The following DMD variants were observed in gnomAD, a reference collection of about 807,000 sequenced individuals.
DMD encodes the protein dystrophin, also known as mutant dystrophin.
In DMD, 63 loss-of-function variants were observed where a neutral mutation model predicts 330.1. The ratio of observed to expected loss-of-function variants is 0.19; its 90% CI spans 0.16 to 0.24. The LOEUF (loss-of-function observed/expected upper bound fraction) is 0.24. DMD is among the 10% of genes least tolerant of loss of function. The pLI, the probability that DMD is intolerant of heterozygous loss-of-function variation, is 1.00. For missense variants in DMD, 3,344 were observed against 2,684.1 expected (o/e 1.25, Z -5.43); for synonymous variants, 1,223 against 959.8 (o/e 1.27, Z -5.07).
At chrX:31,166,532 CGTAGCCCAATG>C (rs2039434128) in intron 74 of DMD, among the ~76,000 whole-genome samples, 1 of 111,800 alleles carries the variant, frequency 8.9e-6, no homozygotes, top group Admixed American at 9.5e-5. Flanking sequence ...TGTCAGATTG[CGTAGCCCAATG>C]CTGACTTAGG....
intron 44 of DMD, among the ~76,000 whole-genome samples, chrX:31,982,932 T>TTC (rs2095485406): frequency 2.4e-5 from 2 of 84,572 alleles, no homozygotes; most frequent in South Asian, 1.3e-3. Flanking sequence ...TCAAGTAACA[T>TTC]TATTCAGCTC....
chrX:32,537,791 A>C (rs1205031838), intron 17 of DMD, among the ~76,000 whole-genome samples: 1 of 112,333 alleles, frequency 8.9e-6, no homozygotes, highest in Non-Finnish European at 1.9e-5. Context: ...TCACTCAAAA[A>C]ACGAACAAAA....
At chrX:33,323,885 A>G (rs928357746) in intron 1 of DMD, among the ~76,000 whole-genome samples, 1 of 110,823 alleles carries the variant, frequency 9.0e-6, no homozygotes, top group East Asian at 2.9e-4. Context: ...ATGATTTGTA[A>G]TCGAATGCTT....
At position 33,052,685 on chromosome X, in the gene DMD, C is replaced by T. The variant is rs777764672; in HGVS notation, c.32-32485G>A. On this transcript the variant is annotated intron_variant, in intron 1 of 78. Coordinates refer to ENST00000357033, the MANE Select transcript of DMD (RefSeq NM_004006.3). ...GGTGCCAGAAAGATATTACTTGTCTCTCTACTGAACAAAAATGTGTACATT... is the reference window on the plus strand; with the variant it reads ...GGTGCCAGAAAGATATTACTTGTCTTTCTACTGAACAAAAATGTGTACATT... 8.9e-5 allele frequency among the ~76,000 whole-genome samples: 10 copies of T among 111,764 alleles called. No individual in the cohort carries two copies. The South Asian group carries it at 3.4e-3, about 37-fold the overall frequency.
chrX:31,699,983 T>G (rs192028307), intron 52 of DMD, among the ~76,000 whole-genome samples: 28 of 110,674 alleles, frequency 2.5e-4, no homozygotes, highest in African/African-American at 9.2e-4. Flanking sequence ...ATCAGGAGCT[T>G]AAGATCAACC....
intron 43 of DMD, among the ~76,000 whole-genome samples, chrX:32,286,227 G>A (rs1284504554): frequency 9.0e-6 from 1 of 111,347 alleles, no homozygotes; most frequent in Non-Finnish European, 1.9e-5. Flanking sequence ...TTAGGAGCAG[G>A]CACATCAGAT....
intron 34 of DMD, among the ~76,000 whole-genome samples, chrX:32,374,787 C>T (rs989904315): frequency 9.0e-6 from 1 of 111,705 alleles, no homozygotes; most frequent in African/African-American, 3.3e-5. Context: ...GCTGTTCAGG[C>T]CCTTTCTTGG....
At chrX:31,415,770 G>A (rs953394812) in intron 60 of DMD, among the ~76,000 whole-genome samples, 29 of 110,768 alleles carry the variant, frequency 2.6e-4, no homozygotes, top group African/African-American at 9.2e-4. Context: ...AAACTTCACC[G>A]CACTTTGTAA....
At chrX:31,623,326 C>T (rs2078663678) in intron 55 of DMD, among the ~76,000 whole-genome samples, 1 of 111,203 alleles carries the variant, frequency 9.0e-6, no homozygotes, top group Non-Finnish European at 1.9e-5. Context: ...TGCAGTGGCG[C>T]CATCTCGGCT....
At chrX:32,237,882 T>C (rs902540784) in intron 43 of DMD, among the ~76,000 whole-genome samples, 1 of 112,009 alleles carries the variant, frequency 8.9e-6, no homozygotes, top group Non-Finnish European at 1.9e-5. Flanking sequence ...AAATCAACCT[T>C]TGTGTTTCTA....
chrX:32,601,048 A>T (rs187094540), intron 12 of DMD, among the ~76,000 whole-genome samples: 1,262 of 110,817 alleles, frequency 0.011, 6 homozygotes, highest in Non-Finnish European at 0.017. Context: ...TAGGTAATTT[A>T]TTTTTTTCAC....
chrX:33,056,650 C>T (rs997053622), intron 1 of DMD, among the ~76,000 whole-genome samples: 2 of 111,333 alleles, frequency 1.8e-5, no homozygotes, highest in Admixed American at 9.6e-5. Flanking sequence ...GTGTGAGCCA[C>T]CGCGCCCCGG....
chrX:31,774,732 T>C lies in DMD; in HGVS notation c.7310-540A>G, dbSNP rs193141874. Among the ~76,000 whole-genome samples the C allele has an allele frequency of 7.9e-4, 89 of 112,136 alleles. 1 individual carries two copies. Among genetic ancestry groups the C allele is most frequent in the Admixed American group, 6.1e-3 (64 of 10,538 alleles). ...GTTCTTGTCTTAGCTCTGTATTTTATACTGGGAGCAGTTTATCATATTTTT... is the reference window on the plus strand; with the variant it reads ...GTTCTTGTCTTAGCTCTGTATTTTACACTGGGAGCAGTTTATCATATTTTT... On this transcript the variant is annotated intron_variant, in intron 50 of 78. Transcript: ENST00000357033.
rs142147404 is a variant in DMD, at chrX:32,703,212, G to A, written c.650-3919C>T. ...GATTGCTGGACTTCTGACTCCCCCC[G>A]CAAAACCTAAGAATACGCTCCTTTC... On this transcript the variant is annotated intron_variant, in intron 7 of 78. Coordinates refer to ENST00000357033, the MANE Select transcript of DMD (RefSeq NM_004006.3). Among the ~76,000 whole-genome samples the A allele has an allele frequency of 2.3e-3, 261 of 111,421 alleles. 1 individual carries two copies. Among genetic ancestry groups the A allele is most frequent in the African/African-American group, 7.9e-3 (242 of 30,682 alleles).
intron 60 of DMD, among the ~76,000 whole-genome samples, chrX:31,383,544 C>A (rs2060291464): frequency 8.9e-6 from 1 of 112,087 alleles, no homozygotes; most frequent in Non-Finnish European, 1.9e-5. Context: ...AAGGGCCCCA[C>A]CCTTAAGCCT....
chrX:32,318,545 G>GA (rs2097593490), intron 41 of DMD, among the ~76,000 whole-genome samples: 1 of 110,781 alleles, frequency 9.0e-6, no homozygotes, highest in African/African-American at 3.3e-5. Flanking sequence ...ACCGTGCATA[G>GA]AAAAAATAGC....
chrX:32,397,556 T>C (rs988679254), intron 30 of DMD, among the ~76,000 whole-genome samples: 32 of 111,895 alleles, frequency 2.9e-4, no homozygotes, highest in Non-Finnish European at 4.9e-4. Flanking sequence ...AAAAAGGCAT[T>C]TGAGCATGCA....
chrX:31,557,744 A>G (rs2074933649), intron 55 of DMD, among the ~76,000 whole-genome samples: 1 of 111,909 alleles, frequency 8.9e-6, no homozygotes, highest in Non-Finnish European at 1.9e-5. Context: ...GAGAAAGGGT[A>G]GAGTGTAGTA....
chrX:32,905,885 T>G (rs1023836087), intron 2 of DMD, among the ~76,000 whole-genome samples: 2 of 111,364 alleles, frequency 1.8e-5, no homozygotes, highest in Non-Finnish European at 3.8e-5. Context: ...TAGGAATCTC[T>G]CCGGACATGG....
Sources: allele counts gnomAD v4.1 joint callset (sites outside exome capture counted in the v4.1 genomes callset), GRCh38; gene constraint gnomAD v4.1.1; transcripts MANE v1.5; gene names NCBI Gene and HGNC (gene_info 2026-07-23, HGNC 2026-07-21).